The following SNTG1 variants were observed in gnomAD, a reference collection of about 807,000 sequenced individuals.
SNTG1 encodes the protein syntrophin gamma 1.
Under a neutral mutation model 74.7 loss-of-function variants are expected in SNTG1, and 39 were observed. That is an observed-to-expected ratio of 0.52 (90% CI 0.40 to 0.68). SNTG1 has a LOEUF of 0.68. SNTG1 is among the 30% of genes least tolerant of loss of function. The pLI is 0.00. For missense variants in SNTG1, 685 were observed against 609.5 expected (o/e 1.12, Z -1.30); for synonymous variants, 254 against 217.1 (o/e 1.17, Z -1.49).
At chr8:50,775,474 T>C (rs1206675945) in intron 18 of SNTG1, among the ~76,000 whole-genome samples, 1 of 151,726 alleles carries the variant, frequency 6.6e-6, no homozygotes, top group African/African-American at 2.4e-5. Flanking sequence ...TTCTTTCTTC[T>C]CTGGTCAGAA....
At chr8:49,957,902 C>A (rs1038858641) in intron 1 of SNTG1, among the ~76,000 whole-genome samples, 6 of 152,002 alleles carry the variant, frequency 3.9e-5, no homozygotes, top group African/African-American at 1.4e-4. Flanking sequence ...GAGTTGAAGT[C>A]CAGCCTGGGC....
chr8:50,054,900 C>T (rs980531883), intron 1 of SNTG1, among the ~76,000 whole-genome samples: 5 of 152,248 alleles, frequency 3.3e-5, no homozygotes, highest in Middle Eastern at 3.4e-3. Context: ...TAGTCTCAAA[C>T]TGCTGGGCTC....
At chr8:50,386,477 A>T (rs758260937) in intron 2 of SNTG1, among the ~76,000 whole-genome samples, 4 of 151,706 alleles carry the variant, frequency 2.6e-5, no homozygotes, top group Non-Finnish European at 5.9e-5. Context: ...GTGGTAGGGT[A>T]TCAGCGTCCT....
chr8:50,688,450 G>C (rs1190213417), intron 15 of SNTG1, among the ~76,000 whole-genome samples: 3 of 152,206 alleles, frequency 2.0e-5, no homozygotes, highest in Non-Finnish European at 4.4e-5. Flanking sequence ...GTAAGGAAGG[G>C]ATCCAGATTC....
chr8:50,775,838 G>A (rs893711672), intron 18 of SNTG1, among the ~76,000 whole-genome samples: 1 of 151,412 alleles, frequency 6.6e-6, no homozygotes, highest in Non-Finnish European at 1.5e-5. Context: ...TTTTCTTGTA[G>A]ATTTATGCTT....
chr8:50,657,153 G>A lies in SNTG1; in HGVS notation c.966+128G>A, dbSNP rs1343101105. ...TAATATAGAGAAAAAGTAGAAATCA[G>A]TTTATCTGATTTAACTTACTAAAAT... On this transcript the variant is annotated intron_variant, in intron 14 of 18. Transcript: ENST00000642720. 1.5e-5 allele frequency: 7 copies of A among 463,810 alleles called. No individual in the cohort carries two copies. The East Asian group carries it at 2.2e-4, about 15-fold the overall frequency. The allele number at this position is 463,810 out of a possible 1,614,324, so 28.7% of individuals were successfully genotyped here.
chr8:50,208,826 G>A (rs571743096), intron 2 of SNTG1, among the ~76,000 whole-genome samples: 37 of 152,280 alleles, frequency 2.4e-4, no homozygotes, highest in South Asian at 4.2e-4. Context: ...AGTTCCCAGC[G>A]TGAGCGAAGC....
At chr8:50,469,858 A>C (rs1389940016) in intron 8 of SNTG1, among the ~76,000 whole-genome samples, 2 of 152,136 alleles carry the variant, frequency 1.3e-5, no homozygotes, top group Admixed American at 6.5e-5. Context: ...GTATGTCTAT[A>C]ATCCCAGCTA....
intron 12 of SNTG1, among the ~76,000 whole-genome samples, chr8:50,554,428 G>T (rs2094444108): frequency 6.6e-6 from 1 of 151,038 alleles, no homozygotes; most frequent in African/African-American, 2.4e-5. Context: ...TGAATTTTTG[G>T]TTGATACATG....
At chr8:50,062,770 A>C (rs143146718) in intron 1 of SNTG1, among the ~76,000 whole-genome samples, 67 of 152,312 alleles carry the variant, frequency 4.4e-4, no homozygotes, top group Non-Finnish European at 8.7e-4. Flanking sequence ...TAATGTATAC[A>C]TTTACATATT....
chr8:50,612,038 G>A (rs1274494236), intron 13 of SNTG1, among the ~76,000 whole-genome samples: 1 of 152,146 alleles, frequency 6.6e-6, no homozygotes, highest in Admixed American at 6.6e-5. Flanking sequence ...GATTGCAGGT[G>A]TGAGCCACCA....
chr8:50,776,008 T>A (rs905408604), intron 18 of SNTG1, among the ~76,000 whole-genome samples: 4 of 151,590 alleles, frequency 2.6e-5, no homozygotes, highest in African/African-American at 9.7e-5. Context: ...AGTGAGCTTG[T>A]AGATAGCATA....
intron 12 of SNTG1, among the ~76,000 whole-genome samples, chr8:50,566,595 A>G (rs1174852836): frequency 6.6e-6 from 1 of 152,034 alleles, no homozygotes; most frequent in Non-Finnish European, 1.5e-5. Context: ...CTGAGTTGGG[A>G]AGCATTACAA....
chr8:50,473,240 T>C (rs1248843979), intron 8 of SNTG1, among the ~76,000 whole-genome samples: 2 of 152,166 alleles, frequency 1.3e-5, no homozygotes, highest in Non-Finnish European at 2.9e-5. Context: ...TCCATTTCAT[T>C]TGGCACTTCT....
chr8:49,993,612 GTGTTCTCATTTT>G (rs76985962), intron 1 of SNTG1, among the ~76,000 whole-genome samples: 80,914 of 151,716 alleles, frequency 0.53, 24,385 homozygotes, highest in East Asian at 0.8. Flanking sequence ...CTGTGTCCAT[GTGTTCTCATTTT>G]TCAACTCCCA....
chr8:50,518,915 A>G (rs2094156405), intron 9 of SNTG1, among the ~76,000 whole-genome samples: 2 of 152,188 alleles, frequency 1.3e-5, no homozygotes, highest in African/African-American at 4.8e-5. Flanking sequence ...AACTATTCCA[A>G]ACCATTGAAA....
chr8:50,493,722 A>G (rs1032867461), intron 8 of SNTG1, among the ~76,000 whole-genome samples: 3 of 150,840 alleles, frequency 2.0e-5, no homozygotes, highest in African/African-American at 7.3e-5. Flanking sequence ...TTGTACATGG[A>G]AATTTTCTAT....
At chr8:50,058,846 C>T (rs1468986436) in intron 1 of SNTG1, among the ~76,000 whole-genome samples, 1 of 151,882 alleles carries the variant, frequency 6.6e-6, no homozygotes, top group Non-Finnish European at 1.5e-5. Context: ...GCAGTCATCG[C>T]CACAAGAATT....
rs903597398 is a variant in SNTG1, at chr8:50,164,101, T to C, written c.-102-8460T>C. ...TAGAAAGACACAATTTCTTTTTTTT[T>C]TTTTTTTTTTTTTTTTGCTATCTAT... On this transcript the variant is annotated intron_variant, in intron 1 of 18. Transcript: ENST00000642720. 563 of 138,930 alleles carry C rather than the reference T, an allele frequency of 4.1e-3. 4 individuals are homozygous for C. Among genetic ancestry groups the C allele is most frequent in the African/African-American group, 0.016 (541 of 34,884 alleles). 8.6% of individuals were successfully genotyped at this position (138,930 alleles called of 1,614,324 possible).
Sources: allele counts gnomAD v4.1 joint callset (sites outside exome capture counted in the v4.1 genomes callset), GRCh38; gene constraint gnomAD v4.1.1; transcripts MANE v1.5; gene names NCBI Gene and HGNC (gene_info 2026-07-23, HGNC 2026-07-21).